The following CLDN14 variants were observed in gnomAD, a reference collection of about 807,000 sequenced individuals.
CLDN14 encodes claudin-14.
CLDN14 carries 2 observed loss-of-function variants against 2.1 expected under a neutral mutation model. That is an observed-to-expected ratio of 0.96 (90% CI 0.39 to 3.01). The LOEUF is 3.01. Ranked by LOEUF, CLDN14 falls within the 30% of genes most tolerant of loss-of-function variation. The pLI is 0.09. For synonymous variants in CLDN14, 136 were observed against 154.4 expected (o/e 0.88, Z 0.88); for missense variants, 298 against 328.0 (o/e 0.91, Z 0.71).
chr21:36,485,487 G>A (rs1056550070), intron 2 of CLDN14, among the ~76,000 whole-genome samples: 32 of 152,326 alleles, frequency 2.1e-4, no homozygotes, highest in African/African-American at 7.2e-4. Context: ...GATATTACAG[G>A]CGTGAGCCAC....
chr21:36,462,285 C>T (rs2086587649), intron 1 of CLDN14, among the ~76,000 whole-genome samples: 2 of 152,304 alleles, frequency 1.3e-5, no homozygotes, highest in South Asian at 4.1e-4. Flanking sequence ...AAGTCAGATG[C>T]TGCCTTCAGA....
intron 1 of CLDN14, among the ~76,000 whole-genome samples, chr21:36,476,208 A>C (rs1387864170): frequency 6.6e-6 from 1 of 151,990 alleles, no homozygotes; most frequent in African/African-American, 2.4e-5. Flanking sequence ...TCCAGCTACA[A>C]TCTTACCTTC....
chr21:36,491,802 T>C (rs2086967937), intron 2 of CLDN14, among the ~76,000 whole-genome samples: 2 of 152,192 alleles, frequency 1.3e-5, no homozygotes, highest in South Asian at 4.2e-4. Context: ...TGGTGCATGT[T>C]GGGAGGACAG....
At chr21:36,478,244 C>G (rs886505754) in intron 1 of CLDN14, among the ~76,000 whole-genome samples, 6 of 152,134 alleles carry the variant, frequency 3.9e-5, no homozygotes, top group Non-Finnish European at 8.8e-5. Flanking sequence ...AGCATTGAAC[C>G]CTTTATACAG....
chr21:36,521,501 A>G (rs902194289), intron 1 of CLDN14, among the ~76,000 whole-genome samples: 2 of 152,214 alleles, frequency 1.3e-5, no homozygotes, highest in Non-Finnish European at 2.9e-5. Flanking sequence ...CCAAACCTCT[A>G]CTTCTGAATG....
intron 2 of CLDN14, among the ~76,000 whole-genome samples, chr21:36,504,588 T>G (rs570460870): frequency 6.6e-6 from 1 of 152,324 alleles, no homozygotes; most frequent in South Asian, 2.1e-4. Context: ...TTAAGACCTA[T>G]CTGAAGTATC....
chr21:36,464,578 A>G (rs1349001389), intron 1 of CLDN14, among the ~76,000 whole-genome samples: 2 of 152,166 alleles, frequency 1.3e-5, no homozygotes, highest in African/African-American at 2.4e-5. Flanking sequence ...CGGCTGTCCT[A>G]TGCTCACTGC....
chr21:36,491,871 A>G (rs945883245), intron 2 of CLDN14, among the ~76,000 whole-genome samples: 1 of 152,140 alleles, frequency 6.6e-6, no homozygotes, highest in Non-Finnish European at 1.5e-5. Flanking sequence ...GGGTCTCACC[A>G]CTGGAGTAAG....
intron 1 of CLDN14, among the ~76,000 whole-genome samples, chr21:36,470,443 A>G (rs920753289): frequency 6.6e-6 from 1 of 151,836 alleles, no homozygotes; most frequent in African/African-American, 2.4e-5. Context: ...ATCGCCAGCA[A>G]CCCGCGGAGA....
chr21:36,494,343 A>G (rs1241704526), intron 2 of CLDN14, among the ~76,000 whole-genome samples: 1 of 152,114 alleles, frequency 6.6e-6, no homozygotes, highest in Non-Finnish European at 1.5e-5. Flanking sequence ...GGCTGAGAGG[A>G]TATTCCTAAC....
At position 36,519,732 on chromosome 21, in the gene CLDN14, AC is replaced by A. The variant is rs1386483517; in HGVS notation, c.-219-9233del. On this transcript the variant is annotated intron_variant, in intron 1 of 2. Coordinates refer to the CLDN14 transcript ENST00000342108. ...CTAAAAAACAACAACAACAACAACA[AC>A]AAAACCCCAAAAACAAAAAAACCCA... Among the ~76,000 whole-genome samples the A allele has an allele frequency of 6.6e-3, 761 of 115,048 alleles. 2 individuals are homozygous for A. The highest frequency in any genetic ancestry group is 0.02 in the African/African-American group (720 of 36,068). The allele number at this position is 115,048 out of a possible 152,430, so 75.5% of individuals were successfully genotyped here.
chr21:36,525,602 G>A (rs182541114), intron 1 of CLDN14, among the ~76,000 whole-genome samples: 20 of 152,140 alleles, frequency 1.3e-4, no homozygotes, highest in African/African-American at 4.8e-4. Context: ...TGGAAACCTG[G>A]CAGAGGTGTG....
At chr21:36,511,600 C>G (rs1005556210) in intron 1 of CLDN14, among the ~76,000 whole-genome samples, 2 of 152,078 alleles carry the variant, frequency 1.3e-5, no homozygotes, top group Non-Finnish European at 2.9e-5. Context: ...GCCCACACTT[C>G]GAGAGTCCTC....
chr21:36,462,873 G>A (rs1419261761), intron 1 of CLDN14, among the ~76,000 whole-genome samples: 2 of 120,292 alleles, frequency 1.7e-5, no homozygotes, highest in African/African-American at 2.6e-5. Context: ...AGCCGAGATC[G>A]CGCCACTGCA....
intron 2 of CLDN14, among the ~76,000 whole-genome samples, chr21:36,506,859 C>T (rs1215795226): frequency 6.6e-6 from 1 of 152,102 alleles, no homozygotes; most frequent in Non-Finnish European, 1.5e-5. Context: ...TGCTTCCCAC[C>T]TATAATCCCA....
intron 1 of CLDN14, chr21:36,532,172 G>T (rs1025406946): frequency 6.6e-6 from 1 of 152,168 alleles, no homozygotes. Flanking sequence ...ACTAGGCTGG[G>T]AGTCAAGAGA....
chr21:36,503,934 T>C (rs1462869626), intron 2 of CLDN14, among the ~76,000 whole-genome samples: 1 of 151,598 alleles, frequency 6.6e-6, no homozygotes, highest in Non-Finnish European at 1.5e-5. Flanking sequence ...TGAAAAATTA[T>C]ATTTTGATGA....
intron 1 of CLDN14, among the ~76,000 whole-genome samples, chr21:36,470,067 C>T (rs1601594714): frequency 6.6e-6 from 1 of 151,888 alleles, no homozygotes; most frequent in African/African-American, 2.4e-5. Flanking sequence ...AAACAATACC[C>T]CAAAAAACCC....
At chr21:36,525,405 T>TA (rs2087316770) in intron 1 of CLDN14, among the ~76,000 whole-genome samples, 1 of 145,420 alleles carries the variant, frequency 6.9e-6, no homozygotes. Flanking sequence ...AAAAAAGAAA[T>TA]AAAGACTTGA....
Sources: allele counts gnomAD v4.1 joint callset (sites outside exome capture counted in the v4.1 genomes callset), GRCh38; gene constraint gnomAD v4.1.1; transcripts MANE v1.5; gene names NCBI Gene and HGNC (gene_info 2026-07-23, HGNC 2026-07-21).